XBP1: variants seen among roughly 807,000 people sequenced by gnomAD.
XBP1 encodes X-box binding protein 1.
In XBP1, 18 loss-of-function variants were observed where a neutral mutation model predicts 34.6. The ratio of observed to expected loss-of-function variants is 0.52; its 90% CI spans 0.36 to 0.77. The LOEUF (loss-of-function observed/expected upper bound fraction) is 0.77, where lower values mean the gene tolerates loss of function less well. Ranked by LOEUF, XBP1 falls within the 30% of genes least tolerant of loss-of-function variation. The pLI is 0.00. For missense variants in XBP1, 422 were observed against 464.6 expected (o/e 0.91, Z 0.84); for synonymous variants, 191 against 193.4 (o/e 0.99, Z 0.11).
chr22:28,799,969 G>A (rs1018184098), intron 1 of XBP1: 1 of 779,264 alleles, frequency 1.3e-6, no homozygotes, highest in Non-Finnish European at 2.4e-6. Flanking sequence ...CCTCATGTCC[G>A]AGTTAAGAGG....
At chr22:28,798,857 G>T in intron 2 of XBP1, 200 bp downstream of exon 2, 1 of 329,280 alleles carries the variant, frequency 3.0e-6, no homozygotes. Flanking sequence ...CTGGCTTCAA[G>T]TGATCTGCCC....
At position 28,800,354 on chromosome 22, in the gene XBP1, C is replaced by A. The variant is rs370188400; in HGVS notation, c.171G>T (p.Gln57His). 427 of 1,547,700 alleles carry A rather than the reference C, an allele frequency of 2.8e-4. 1 individual carries two copies. In the African/African-American group the frequency reaches 5.2e-3, roughly 19 times the overall value. ...GCGTGAGGCGCTGTCGCTTGCGCGC[C>A]TGGGGCAGCCCCCCGCTCGCTGCCT... The change falls in exon 1 of 6, where the codon CAG becomes CAT. Residue 57 changes from glutamine to histidine, a missense_variant. Coordinates refer to ENST00000344347, the Ensembl canonical transcript of XBP1.
At chr22:28,797,022 C>G in intron 3 of XBP1, 55 bp downstream of exon 3, 1 of 1,551,404 alleles carries the variant, frequency 6.4e-7, no homozygotes, top group Non-Finnish European at 8.7e-7. Flanking sequence ...ATCGCTGGGT[C>G]ATGTCACTTG....
chr22:28,796,258 G>A (rs1219673673), intron 3 of XBP1, 66 bp from the exon 4 acceptor site: 1 of 1,426,024 alleles, frequency 7.0e-7, no homozygotes, highest in Non-Finnish European at 9.3e-7. Context: ...CTAGACAGCT[G>A]TGATTCTCAA....
At chr22:28,798,262 C>T (rs913309695) in intron 2 of XBP1, among the ~76,000 whole-genome samples, 1 of 151,830 alleles carries the variant, frequency 6.6e-6, no homozygotes, top group African/African-American at 2.4e-5. Context: ...CCTCAACAAG[C>T]TTCACCACTT....
intron 2 of XBP1, among the ~76,000 whole-genome samples, chr22:28,797,907 T>A (rs917525685): frequency 6.6e-6 from 1 of 151,988 alleles, no homozygotes; most frequent in African/African-American, 2.4e-5. Flanking sequence ...TTAAAAAAAA[T>A]CCCTGCTCCT....
intron 2 of XBP1, 94 bp from the exon 3 acceptor site, chr22:28,797,299 A>C: frequency 7.0e-7 from 1 of 1,420,980 alleles, no homozygotes; most frequent in Middle Eastern, 1.8e-4. Context: ...TTCCTTCTTG[A>C]ACTTTTGGAA....
exon 5 of XBP1, chr22:28,796,053 A>C: frequency 6.2e-7 from 1 of 1,614,180 alleles, no homozygotes. Context: ...CTACCTCTGA[A>C]TCTGAAGAGT....
chr22:28,797,048 T>G, intron 3 of XBP1, 29 bp downstream of exon 3: 1 of 1,594,210 alleles, frequency 6.3e-7, no homozygotes, highest in South Asian at 1.1e-5. Flanking sequence ...AGTACTCACA[T>G]GAGGCACCAA....
intron 3 of XBP1, chr22:28,796,445 C>A (rs960098009): frequency 3.0e-6 from 1 of 329,660 alleles, no homozygotes; most frequent in East Asian, 5.3e-5. Context: ...GGAAGCCTTA[C>A]CTCCCTTTTC....
At chr22:28,799,477 C>G (rs2031823877) in intron 1 of XBP1, among the ~76,000 whole-genome samples, 2 of 152,154 alleles carry the variant, frequency 1.3e-5, no homozygotes, top group South Asian at 4.1e-4. Context: ...TCTATTCCCC[C>G]GCTGCTTCCT....
exon 6 of XBP1, chr22:28,795,331 G>A (rs2031726835): frequency 6.4e-7 from 1 of 1,551,812 alleles, no homozygotes; most frequent in African/African-American, 1.4e-5. Flanking sequence ...ATGGCTTTGG[G>A]CAGTGGCTGG....
chr22:28,797,278 A>G (rs1283650063), intron 2 of XBP1, 73 bp from the exon 3 acceptor site: 1 of 1,526,082 alleles, frequency 6.6e-7, no homozygotes, highest in Non-Finnish European at 8.9e-7. Flanking sequence ...ATTCAGTATA[A>G]TTGGTTTCCT....
exon 6 of XBP1, chr22:28,795,636 C>G: frequency 6.2e-7 from 1 of 1,610,348 alleles, no homozygotes; most frequent in Non-Finnish European, 8.5e-7. Flanking sequence ...TCTGGGTAGA[C>G]CTCTGGGAGC....
downstream of XBP1, chr22:28,794,972 AGT>A: frequency 2.4e-6 from 1 of 423,416 alleles, no homozygotes; most frequent in East Asian, 3.5e-5. Context: ...TCTTACTTCC[AGT>A]AATATGTCTC....
At chr22:28,797,150 A>G in exon 3 of XBP1, 1 of 1,613,700 alleles carries the variant, frequency 6.2e-7, no homozygotes, top group African/African-American at 1.3e-5. Context: ...GTTCTCAACT[A>G]CAAGGCCATG....
chr22:28,795,210 C>A, exon 6 of XBP1: 1 of 1,528,600 alleles, frequency 6.5e-7, no homozygotes, highest in South Asian at 1.3e-5. Context: ...AGTTCATTGG[C>A]AAAAGTGTCC....
chr22:28,800,415 G>A (rs1183351765), exon 1 of XBP1: 2 of 1,506,254 alleles, frequency 1.3e-6, no homozygotes, highest in African/African-American at 1.5e-5. Context: ...CACCATGAGC[G>A]GCAGGGCCTG....
chr22:28,799,888 CT>C (rs142137997), intron 1 of XBP1: 36,536 of 740,328 alleles, frequency 0.049, 1,181 homozygotes, highest in Non-Finnish European at 0.064. Context: ...ATTCCCAGCC[CT>C]TTCAACAGCT....
Sources: allele counts gnomAD v4.1 joint callset (sites outside exome capture counted in the v4.1 genomes callset), GRCh38; gene constraint gnomAD v4.1.1; transcripts MANE v1.5; gene names NCBI Gene and HGNC (gene_info 2026-07-23, HGNC 2026-07-21).